DNAH7: variants seen among roughly 807,000 people sequenced by gnomAD.
The protein encoded by DNAH7 is axonemal beta dynein heavy chain 7.
A neutral mutation model predicts 444.6 loss-of-function variants in DNAH7; 397 were observed. The observed-to-expected ratio is 0.89, with a 90% CI of 0.82 to 0.97. The LOEUF is 0.97. Ranked by LOEUF, DNAH7 falls within the 50% of genes least tolerant of loss-of-function variation. The probability of loss-of-function intolerance (pLI) is 0.00; values close to 1 mark genes in which losing one functional copy is unlikely to be tolerated. For missense variants in DNAH7, 4,902 were observed against 4,800.8 expected (o/e 1.02, Z -0.62); for synonymous variants, 1,636 against 1,624.4 (o/e 1.01, Z -0.17).
intron 40 of DNAH7, among the ~76,000 whole-genome samples, chr2:195,869,783 T>C (rs1700568873): frequency 6.6e-6 from 1 of 152,176 alleles, no homozygotes; most frequent in Non-Finnish European, 1.5e-5. Flanking sequence ...CCAGATCCCA[T>C]GGGCCACTGG....
chr2:195,840,403 G>A (rs750342947), intron 47 of DNAH7, among the ~76,000 whole-genome samples: 3 of 151,662 alleles, frequency 2.0e-5, no homozygotes, highest in African/African-American at 7.2e-5. Context: ...AATACCACAT[G>A]TGATAGTAAA....
At chr2:195,746,202 T>C (rs1239081721) in intron 63 of DNAH7, among the ~76,000 whole-genome samples, 1 of 138,984 alleles carries the variant, frequency 7.2e-6, no homozygotes, top group Non-Finnish European at 1.6e-5. Flanking sequence ...GCAATCCTAG[T>C]CTCTGATAAA....
In DNAH7 at chr2:195,951,512, G is replaced by A. The variant is rs571417953; in HGVS notation, c.3078+5749C>T. Among the ~76,000 whole-genome samples, 9 of 152,188 alleles carry A rather than the reference G, an allele frequency of 5.9e-5. No homozygotes were observed. In the South Asian group the frequency reaches 1.5e-3, roughly 25 times the overall value. On this transcript the variant is annotated intron_variant, in intron 19 of 64. Coordinates refer to ENST00000312428, the MANE Select transcript of DNAH7 (RefSeq NM_018897.3). ...AATATCCTTGTTAATTTTCTGTCTCGTTGATCTGTCTAATACTGTGGGGTG... is the reference window on the plus strand; with the variant it reads ...AATATCCTTGTTAATTTTCTGTCTCATTGATCTGTCTAATACTGTGGGGTG...
In DNAH7 at chr2:196,009,311, A is replaced by T. The variant is rs905579021; in HGVS notation, c.989+3476T>A. 2.4e-4 allele frequency among the ~76,000 whole-genome samples: 37 copies of T among 152,286 alleles called. 1 individual carries two copies. The highest frequency in any genetic ancestry group is 6.2e-4 in the South Asian group (3 of 4,814). The stretch of plus-strand genomic sequence containing the variant: ...CTTGCGAGTATATTATCAACTACTG[A>T]ATTGTACACATTAAAGTAGTGAATT... On this transcript the variant is annotated intron_variant, in intron 10 of 64. Transcript: ENST00000312428.
At chr2:195,931,725 A>G (rs1238262856) in intron 21 of DNAH7, among the ~76,000 whole-genome samples, 1 of 152,162 alleles carries the variant, frequency 6.6e-6, no homozygotes, top group Non-Finnish European at 1.5e-5. Flanking sequence ...CAAAGATCAG[A>G]TAGTTGTAAA....
At position 195,884,597 on chromosome 2, in the gene DNAH7, T is replaced by C. The variant is rs941455284; in HGVS notation, c.5751A>G (p.Gln1917=). Residue 1917 remains glutamine, a synonymous_variant, in exon 35 of 65, where the codon CAA becomes CAG. Coordinates refer to ENST00000312428, the MANE Select transcript of DNAH7 (RefSeq NM_018897.3). ...TCAGAACTCTTACCTCAGTGACAAA[T>C]TGATAATCATAAATTGTTCCTTTTT... ...FPEKGTIYDY[Q]FVTEGIGKWE... 5.0e-6 allele frequency: 8 copies of C among 1,613,634 alleles called. No individual in the cohort carries two copies. The highest frequency in any genetic ancestry group is 4.0e-5 in the African/African-American group (3 of 74,914).
At position 195,915,309 on chromosome 2, in the gene DNAH7, T is replaced by C. The variant is rs562961299; in HGVS notation, c.3936-5114A>G. 1.4e-3 allele frequency among the ~76,000 whole-genome samples: 206 copies of C among 152,298 alleles called. 1 individual carries two copies. Among genetic ancestry groups the C allele is most frequent in the African/African-American group, 4.9e-3 (202 of 41,556 alleles). On this transcript the variant is annotated intron_variant, in intron 24 of 64. Transcript: ENST00000312428. Reference sequence around the variant, plus strand: ...CAAAGGATTAAGTAGGAGTTAGTTGTATTTATTGAGGAACAAAAGAAAGGG... The same window carrying C: ...CAAAGGATTAAGTAGGAGTTAGTTGCATTTATTGAGGAACAAAAGAAAGGG...
chr2:195,761,257 T>C (rs1694336006), intron 61 of DNAH7, among the ~76,000 whole-genome samples: 1 of 151,954 alleles, frequency 6.6e-6, no homozygotes, highest in South Asian at 2.1e-4. Context: ...AAGAAACTAG[T>C]TAGCTAGAAG....
chr2:195,749,388 T>C (rs998253709), intron 63 of DNAH7, among the ~76,000 whole-genome samples: 4 of 151,728 alleles, frequency 2.6e-5, no homozygotes, highest in African/African-American at 9.7e-5. Context: ...TTGGTGGGAC[T>C]GTAAACTAGT....
intron 17 of DNAH7, among the ~76,000 whole-genome samples, chr2:195,968,453 C>G (rs1330668811): frequency 1.3e-5 from 2 of 152,104 alleles, no homozygotes; most frequent in Non-Finnish European, 2.9e-5. Context: ...CACAACCCTG[C>G]ACGTTGCCCT....
intron 29 of DNAH7, among the ~76,000 whole-genome samples, chr2:195,896,557 G>A (rs971024848): frequency 6.6e-6 from 1 of 152,114 alleles, no homozygotes; most frequent in African/African-American, 2.4e-5. Flanking sequence ...AAATGGCAGC[G>A]TAGAAGCAAG....
intron 5 of DNAH7, among the ~76,000 whole-genome samples, chr2:196,046,680 C>A (rs1327520294): frequency 6.6e-6 from 1 of 152,122 alleles, no homozygotes; most frequent in Non-Finnish European, 1.5e-5. Flanking sequence ...ACTCAGTACC[C>A]ACTGTCCTCC....
chr2:195,790,781 G>A (rs1166967268), intron 57 of DNAH7, among the ~76,000 whole-genome samples: 2 of 152,166 alleles, frequency 1.3e-5, no homozygotes, highest in East Asian at 3.9e-4. Context: ...ATTGGCCTTG[G>A]AAAATAATTT....
At chr2:195,894,173 A>G (rs1702171588) in intron 30 of DNAH7, 1 of 152,162 alleles carries the variant, frequency 6.6e-6, no homozygotes, top group Non-Finnish European at 1.5e-5. Context: ...ACTGATCTGT[A>G]GAAAACAAAA....
At chr2:195,768,820 T>C (rs910342059) in intron 61 of DNAH7, among the ~76,000 whole-genome samples, 1 of 152,196 alleles carries the variant, frequency 6.6e-6, no homozygotes, top group Non-Finnish European at 1.5e-5. Flanking sequence ...TACAAATATA[T>C]AGGTTCAACA....
rs765566988 is a variant in DNAH7 at position 195,771,677 on chromosome 2, T to C, written c.11416A>G (p.Ile3806Val). 5.6e-6 allele frequency: 9 copies of C among 1,612,808 alleles called. No individual in the cohort carries two copies. The highest frequency in any genetic ancestry group is 8.5e-7 in the Non-Finnish European group (1 of 1,178,948). ...LKTIRDSCVNIQKAIKGLAVM... is the reference protein window; with the variant it reads ...LKTIRDSCVNVQKAIKGLAVM... ...CACCTTACCTTGATTGCTTTTTGAA[T>C]ATTTACGCACGAATCTCTTATGGTC... Residue 3806 changes from isoleucine (I) to valine (V), a missense_variant, in exon 61 of 65, where the codon ATT becomes GTT. Transcript: ENST00000312428.
chr2:196,048,441 A>ATC, intron 3 of DNAH7, 37 bp from the exon 4 acceptor site: 1 of 1,578,700 alleles, frequency 6.3e-7, no homozygotes. Context: ...AACAAACAAT[A>ATC]TCAGAAAAAA....
intron 63 of DNAH7, among the ~76,000 whole-genome samples, chr2:195,746,837 A>G (rs987940018): frequency 1.3e-5 from 2 of 152,182 alleles, no homozygotes; most frequent in African/African-American, 4.8e-5. Context: ...TCTGGGACAC[A>G]TTCAAAGCAG....
intron 63 of DNAH7, among the ~76,000 whole-genome samples, chr2:195,744,127 G>A (rs1440301780): frequency 3.9e-5 from 6 of 152,238 alleles, no homozygotes; most frequent in Non-Finnish European, 8.8e-5. Context: ...AGGGGTGACA[G>A]ACACCACCTG....
Sources: gnomAD v4.1 joint callset for allele counts (sites outside exome capture counted in the v4.1 genomes callset) on GRCh38, gnomAD v4.1.1 for gene constraint, MANE v1.5 for transcripts, NCBI Gene and HGNC (gene_info 2026-07-23, HGNC 2026-07-21) for gene names.